PCLAF: variants seen among roughly 807,000 people sequenced by gnomAD.
PCLAF encodes the protein PCNA clamp associated factor.
In PCLAF, 12 loss-of-function variants were observed where a neutral mutation model predicts 15.1. The ratio of observed to expected loss-of-function variants is 0.79; its 90% confidence interval spans 0.51 to 1.29. The LOEUF (loss-of-function observed/expected upper bound fraction) is 1.29, where lower values mean the gene tolerates loss of function less well. Among genes scored for constraint, PCLAF ranks in the 50% most tolerant of loss-of-function variants. PCLAF has a pLI of 0.00. For synonymous variants in PCLAF, 33 were observed against 47.1 expected, an observed-to-expected ratio of 0.70 and a Z score of 1.22; for missense variants, 116 against 130.9, an observed-to-expected ratio of 0.89 and a Z score of 0.56.
At chr15:64,386,519 C>T (rs1566969044) in intron 1 of PCLAF, among the ~76,000 whole-genome samples, 1 of 152,038 alleles carries the variant, frequency 6.6e-6, no homozygotes, top group Non-Finnish European at 1.5e-5. Context: ...TGAGGATTCT[C>T]CTTATGCTGC....
At chr15:64,382,146 T>C (rs907602439), upstream of PCLAF, among the ~76,000 whole-genome samples, 8 of 152,110 alleles carry the variant, frequency 5.3e-5, no homozygotes, top group South Asian at 6.2e-4. Context: ...ATCCCAGCAC[T>C]TTGAGAGGCC....
At chr15:64,385,251 A>G (rs753977851), upstream of PCLAF, among the ~76,000 whole-genome samples, 18 of 152,184 alleles carry the variant, frequency 1.2e-4, no homozygotes, top group Non-Finnish European at 2.4e-4. Context: ...ATTATATTAT[A>G]TGAAAAAACT....
intron 3 of PCLAF, among the ~76,000 whole-genome samples, chr15:64,376,181 C>G (rs35497569): frequency 0.23 from 35,388 of 151,770 alleles, 5,807 homozygotes; most frequent in East Asian, 0.81. Context: ...GCTGAGATAG[C>G]GCCACTGCCC....
chr15:64,377,189 C>T (rs900689083), intron 2 of PCLAF, among the ~76,000 whole-genome samples: 2 of 151,506 alleles, frequency 1.3e-5, no homozygotes, highest in South Asian at 2.1e-4. Flanking sequence ...ATACTCTTGC[C>T]GGGTCCAGTG....
chr15:64,386,619 AGTGT>A (rs35727456), intron 1 of PCLAF, among the ~76,000 whole-genome samples: 2,060 of 146,336 alleles, frequency 0.014, 25 homozygotes, highest in Non-Finnish European at 0.018. Flanking sequence ...CACCACGCCC[AGTGT>A]GTGTGTGTGT....
intron 3 of PCLAF, among the ~76,000 whole-genome samples, chr15:64,366,819 A>G (rs1445733448): frequency 6.6e-6 from 1 of 152,106 alleles, no homozygotes; most frequent in Non-Finnish European, 1.5e-5. Flanking sequence ...CTAAAAATAC[A>G]AAAATAGCCG....
intron 3 of PCLAF, among the ~76,000 whole-genome samples, chr15:64,372,183 T>C (rs1899346596): frequency 6.6e-6 from 1 of 152,264 alleles, no homozygotes. Context: ...AAATCTGGCA[T>C]TCTTGTTGAA....
chr15:64,381,662 C>A (rs1374662933), upstream of PCLAF, among the ~76,000 whole-genome samples: 2 of 152,130 alleles, frequency 1.3e-5, no homozygotes, highest in East Asian at 1.9e-4. Flanking sequence ...CCAGGACTCT[C>A]CAGGGGTACC....
intron 3 of PCLAF, among the ~76,000 whole-genome samples, chr15:64,368,876 A>C (rs1381620057): frequency 3.3e-5 from 5 of 152,156 alleles, no homozygotes; most frequent in Admixed American, 6.6e-5. Flanking sequence ...TATATTGCCA[A>C]ATATTTTATT....
chr15:64,372,893 G>A (rs902762370), intron 3 of PCLAF, among the ~76,000 whole-genome samples: 1 of 152,042 alleles, frequency 6.6e-6, no homozygotes, highest in African/African-American at 2.4e-5. Flanking sequence ...CTTGAACCCA[G>A]GAGGCGAAGG....
intron 3 of PCLAF, 47 bp from the exon 4 acceptor site, chr15:64,366,122 T>A: frequency 6.8e-7 from 1 of 1,478,672 alleles, no homozygotes; most frequent in Non-Finnish European, 9.3e-7. Context: ...GTATCAACTG[T>A]TTGAAAAAAA....
intron 2 of PCLAF, among the ~76,000 whole-genome samples, chr15:64,380,745 T>C (rs563953353): frequency 5.3e-5 from 8 of 152,150 alleles, no homozygotes; most frequent in South Asian, 2.1e-4. Flanking sequence ...AGATAAGGTG[T>C]GTCGGTCCTT....
chr15:64,373,426 A>C lies in PCLAF; in HGVS notation c.290+3317T>G, dbSNP rs1899438088. The C allele has an allele frequency of 1.1e-5, 4 of 365,512 alleles. No individual in the cohort carries two copies. The East Asian group carries it at 1.8e-4, about 17-fold the overall frequency. The allele number at this position is 365,512 out of a possible 1,614,324, so 22.6% of individuals were successfully genotyped here. On this transcript the variant is annotated intron_variant, in intron 3 of 3. Transcript: ENST00000300035. Reference sequence around the variant, plus strand: ...CTGGTTTTTTTCCTTGCCACATTGAACTTCTAGGCACCATTTGGATTCGGT... The same window carrying C: ...CTGGTTTTTTTCCTTGCCACATTGACCTTCTAGGCACCATTTGGATTCGGT...
At chr15:64,385,561 GT>G (rs1439448809), upstream of PCLAF, among the ~76,000 whole-genome samples, 2 of 151,800 alleles carry the variant, frequency 1.3e-5, no homozygotes, top group African/African-American at 4.8e-5. Context: ...GGAGGCGGAG[GT>G]TGTGGTGAGC....
intron 3 of PCLAF, 50 bp from the exon 4 acceptor site, chr15:64,366,125 G>GA (rs752519339): frequency 2.2e-6 from 3 of 1,387,970 alleles, no homozygotes; most frequent in Admixed American, 1.9e-5. Context: ...TCAACTGTTT[G>GA]AAAAAAATAG....
chr15:64,386,619 A>AGT (rs35727456), intron 1 of PCLAF, among the ~76,000 whole-genome samples: 10,875 of 146,300 alleles, frequency 0.074, 451 homozygotes, highest in South Asian at 0.098. Flanking sequence ...CACCACGCCC[A>AGT]GTGTGTGTGT....
At chr15:64,381,472 T>C, upstream of PCLAF, 1 of 1,608,514 alleles carries the variant, frequency 6.2e-7, no homozygotes, top group Non-Finnish European at 8.5e-7. Flanking sequence ...CAGTTTATAT[T>C]GGTCTCTTTC....
chr15:64,368,419 A>G (rs1427243766), intron 3 of PCLAF, among the ~76,000 whole-genome samples: 1 of 152,196 alleles, frequency 6.6e-6, no homozygotes, highest in African/African-American at 2.4e-5. Context: ...TTAACAAATG[A>G]ACATTATCAT....
At chr15:64,369,892 C>G (rs1219164494) in intron 3 of PCLAF, among the ~76,000 whole-genome samples, 1 of 152,024 alleles carries the variant, frequency 6.6e-6, no homozygotes, top group African/African-American at 2.4e-5. Flanking sequence ...AAATAAGAAG[C>G]AAAAGGGACT....
Sources: allele counts gnomAD v4.1 joint callset (sites outside exome capture counted in the v4.1 genomes callset), GRCh38; gene constraint gnomAD v4.1.1; transcripts MANE v1.5; gene names NCBI Gene and HGNC (gene_info 2026-07-23, HGNC 2026-07-21).